The following DCHS2 variants were observed in gnomAD, a reference collection of about 807,000 sequenced individuals.
The protein encoded by DCHS2 is protocadherin-23.
In DCHS2, 142 loss-of-function variants were observed where a neutral mutation model predicts 182.4. The ratio of observed to expected loss-of-function variants is 0.78; its 90% confidence interval spans 0.68 to 0.89. The LOEUF (loss-of-function observed/expected upper bound fraction) is 0.89. Ranked by LOEUF, DCHS2 falls within the 40% of genes least tolerant of loss-of-function variation. The pLI is 0.00. For synonymous variants in DCHS2, 1,740 were observed against 1,663.3 expected (o/e 1.05, Z -1.12); for missense variants, 4,319 against 4,198.6 (o/e 1.03, Z -0.79).
At chr4:154,479,303 C>A (rs1284438370) in intron 1 of DCHS2, among the ~76,000 whole-genome samples, 1 of 151,932 alleles carries the variant, frequency 6.6e-6, no homozygotes, top group African/African-American at 2.4e-5. Flanking sequence ...GAAAAATGAA[C>A]AGAGTCTCAA....
At chr4:154,346,582 A>C (rs1212668787) in intron 3 of DCHS2, among the ~76,000 whole-genome samples, 1 of 150,000 alleles carries the variant, frequency 6.7e-6, no homozygotes, top group Admixed American at 6.6e-5. Flanking sequence ...CTAATTGCCC[A>C]TTTAATAAAG....
In DCHS2 at chr4:154,259,539, T is replaced by C. The variant is rs2111169839; in HGVS notation, c.6789+6A>G. 1 of 1,613,310 alleles carries C rather than the reference T, an allele frequency of 6.2e-7. No homozygotes were observed. Among genetic ancestry groups the C allele is most frequent in the Middle Eastern group, 1.7e-4 (1 of 6,058 alleles). On this transcript the variant is annotated splice_donor_region_variant and intron_variant, in intron 15 of 19. Coordinates refer to ENST00000357232, the MANE Select transcript of DCHS2 (RefSeq NM_001358235.2). ...ACACACACACACACAAATATATTTC[T>C]GTTACCTGTATGACATGAGCATTGT...
chr4:154,278,617 A>AT (rs1733978640), intron 13 of DCHS2, among the ~76,000 whole-genome samples: 1 of 147,280 alleles, frequency 6.8e-6, no homozygotes, highest in Non-Finnish European at 1.5e-5. Flanking sequence ...AAAATCTTAA[A>AT]TTAAAAAAAA....
At chr4:154,284,986 AGAG>A (rs931587005) in intron 13 of DCHS2, among the ~76,000 whole-genome samples, 2 of 152,108 alleles carry the variant, frequency 1.3e-5, no homozygotes, top group Non-Finnish European at 2.9e-5. Flanking sequence ...CCACTTGAGC[AGAG>A]GAGAGGGAAG....
intron 1 of DCHS2, among the ~76,000 whole-genome samples, chr4:154,448,225 C>T (rs746422315): frequency 9.9e-5 from 15 of 152,112 alleles, no homozygotes; most frequent in African/African-American, 1.4e-4. Flanking sequence ...GACATGTGGG[C>T]GCTCCTCTCT....
intron 1 of DCHS2, among the ~76,000 whole-genome samples, chr4:154,400,942 CAG>C (rs1345552196): frequency 6.6e-6 from 1 of 152,164 alleles, no homozygotes; most frequent in Non-Finnish European, 1.5e-5. Context: ...AATTTATATT[CAG>C]AGTTATGCAA....
Position 154,352,086 on chromosome 4 carries a change from G to C in DCHS2, c.2476+14124C>G, listed in dbSNP as rs554185993. ...ACACACACACATACATACACACACA[G>C]AGAGACTTGCATACACATACAAATT... On this transcript the variant is annotated intron_variant, in intron 3 of 19. Transcript: ENST00000357232. Among the ~76,000 whole-genome samples, 353 of 151,970 alleles carry C rather than the reference G, an allele frequency of 2.3e-3. 1 individual carries two copies. The highest frequency in any genetic ancestry group is 8.2e-3 in the African/African-American group (341 of 41,472).
intron 1 of DCHS2, among the ~76,000 whole-genome samples, chr4:154,440,211 C>T (rs962864388): frequency 6.6e-6 from 1 of 152,144 alleles, no homozygotes; most frequent in Admixed American, 6.5e-5. Flanking sequence ...CTGATGGAGC[C>T]AGTGCCCTGC....
intron 13 of DCHS2, among the ~76,000 whole-genome samples, chr4:154,288,503 T>A (rs543185806): frequency 5.9e-5 from 9 of 152,124 alleles, no homozygotes; most frequent in Non-Finnish European, 1.0e-4. Flanking sequence ...GCATTGGATA[T>A]ATCATCCAGA....
chr4:154,370,164 A>T (rs1233106539), intron 2 of DCHS2, among the ~76,000 whole-genome samples: 1 of 152,190 alleles, frequency 6.6e-6, no homozygotes, highest in Non-Finnish European at 1.5e-5. Flanking sequence ...AGGGGAAAAA[A>T]AAGAAACATA....
chr4:154,429,438 T>C (rs551546835), intron 1 of DCHS2, among the ~76,000 whole-genome samples: 6 of 152,280 alleles, frequency 3.9e-5, no homozygotes, highest in African/African-American at 1.4e-4. Flanking sequence ...TCTTGGCAGA[T>C]AGACTGCAGA....
At position 154,491,384 on chromosome 4, in the gene DCHS2, C is replaced by T. The variant is rs777358719; in HGVS notation, c.-29G>A. 9.5e-6 allele frequency: 14 copies of T among 1,477,600 alleles called. No homozygotes were observed. The highest frequency in any genetic ancestry group is 2.5e-5 in the East Asian group (1 of 40,058). 91.5% of individuals were successfully genotyped at this position (1,477,600 alleles called of 1,614,324 possible). A position where few individuals can be genotyped will look rare whatever the true frequency, so the allele number is the denominator to read the frequency against. On this transcript the variant is annotated 5_prime_UTR_variant, in exon 1 of 20. Coordinates refer to ENST00000357232, the MANE Select transcript of DCHS2 (RefSeq NM_001358235.2). ...TCCTCCAGCTCCTTGGGAAGGCTCT[C>T]GGGTAACTGCCAGCTTGTGGCAGGA... is the stretch of plus-strand genomic sequence containing the variant.
In DCHS2 at chr4:154,235,579, T is replaced by C; in HGVS notation, c.9073A>G (p.Ile3025Val). 6.2e-7 allele frequency: 1 copy of C among 1,614,042 alleles called. No individual in the cohort carries two copies. Among genetic ancestry groups the C allele is most frequent in the Admixed American group, 1.7e-5 (1 of 60,010 alleles). Reference protein sequence around the residue: ...MILRHKQKDTINNYEEKKTSS... With the variant: ...MILRHKQKDTVNNYEEKKTSS... ...GTTTTCTTCTCCTCATAATTGTTTA[T>C]TGTGTCTTTTTGTTTATGTCTTAAA... is the stretch of plus-strand genomic sequence containing the variant. The change falls in exon 20 of 20, where the codon ATA (isoleucine) becomes GTA (valine). Residue 3025 changes from isoleucine (I) to valine (V), a missense_variant. Coordinates refer to ENST00000357232, the MANE Select transcript of DCHS2 (RefSeq NM_001358235.2).
At chr4:154,319,733 G>A (rs565268157) in intron 9 of DCHS2, among the ~76,000 whole-genome samples, 13 of 150,902 alleles carry the variant, frequency 8.6e-5, no homozygotes, top group Non-Finnish European at 1.3e-4. Flanking sequence ...GTATACTGTT[G>A]GTGGGAATTC....
In DCHS2 at chr4:154,491,235, C is replaced by A. The variant is rs1471038862; in HGVS notation, c.121G>T (p.Ala41Ser). 2 of 1,551,330 alleles carry A rather than the reference C, an allele frequency of 1.3e-6. No homozygotes were observed. Among genetic ancestry groups the A allele is most frequent in the African/African-American group, 2.7e-5 (2 of 73,062 alleles). The part of the protein sequence containing the change: ...TPHGRSGSSG[A>S]RTQRSLLWLL... ...CAGAGCAGGGAGCGCTGCGTCCTGG[C>A]GCCGCTGCTGCCTGACCGCCCATGG... The change falls in exon 1 of 20, where the codon GCC (alanine) becomes TCC (serine). Residue 41 changes from alanine (A) to serine (S), a missense_variant. Ala to Ser is a moderately conservative substitution (Grantham distance 99). Coordinates refer to ENST00000357232, the MANE Select transcript of DCHS2 (RefSeq NM_001358235.2).
chr4:154,461,606 T>C (rs1735012080), intron 1 of DCHS2, among the ~76,000 whole-genome samples: 1 of 152,182 alleles, frequency 6.6e-6, no homozygotes, highest in South Asian at 2.1e-4. Context: ...ATAGAAGGTA[T>C]ATAGGTTATT....
intron 1 of DCHS2, among the ~76,000 whole-genome samples, chr4:154,425,735 T>A (rs1733298148): frequency 6.6e-6 from 1 of 152,232 alleles, no homozygotes; most frequent in Admixed American, 6.5e-5. Flanking sequence ...CATAACCAAT[T>A]TTTAAACAGA....
At chr4:154,400,442 A>G (rs982949623) in intron 1 of DCHS2, among the ~76,000 whole-genome samples, 2 of 146,026 alleles carry the variant, frequency 1.4e-5, no homozygotes, top group Non-Finnish European at 3.0e-5. Context: ...GTAACCACCC[A>G]TCGACCCTCG....
At chr4:154,445,131 C>T (rs1054469378) in intron 1 of DCHS2, among the ~76,000 whole-genome samples, 2 of 152,178 alleles carry the variant, frequency 1.3e-5, no homozygotes, top group Admixed American at 6.5e-5. Flanking sequence ...CACTATGCAC[C>T]ATGAGTTGTT....
Sources: allele counts gnomAD v4.1 joint callset (sites outside exome capture counted in the v4.1 genomes callset), GRCh38; gene constraint gnomAD v4.1.1; transcripts MANE v1.5; gene names NCBI Gene and HGNC (gene_info 2026-07-23, HGNC 2026-07-21).